The following HIVEP3 variants were observed in gnomAD, a reference collection of about 807,000 sequenced individuals.
HIVEP3 encodes the protein transcription factor HIVEP3.
HIVEP3 carries 49 observed loss-of-function variants against 152.8 expected under a neutral mutation model. The ratio of observed to expected loss-of-function variants is 0.32; its 90% CI spans 0.26 to 0.41. The LOEUF is 0.41. Among genes scored for constraint, HIVEP3 ranks in the 10% least tolerant of loss-of-function variants. HIVEP3 has a pLI of 1.00. For synonymous variants in HIVEP3, 1,269 were observed against 1,289.0 expected (o/e 0.98, Z 0.33); for missense variants, 2,790 against 3,103.3 (o/e 0.90, Z 2.40).
At chr1:41,567,740 G>A (rs1644189007) in intron 5 of HIVEP3, among the ~76,000 whole-genome samples, 1 of 152,352 alleles carries the variant, frequency 6.6e-6, no homozygotes, top group East Asian at 1.9e-4. Flanking sequence ...CTGGCATTAT[G>A]TATTTCATTT....
chr1:41,865,578 T>C (rs570584901), intron 1 of HIVEP3: 54 of 152,212 alleles, frequency 3.5e-4, no homozygotes, highest in African/African-American at 1.2e-3. Context: ...GAGTGCTGGG[T>C]CCTCCACTGG....
At chr1:41,760,203 A>C (rs1558245396) in intron 1 of HIVEP3, among the ~76,000 whole-genome samples, 2 of 152,304 alleles carry the variant, frequency 1.3e-5, no homozygotes, top group East Asian at 3.9e-4. Context: ...AATGGGATGA[A>C]TAAGAGTACC....
chr1:41,550,140 C>T (rs933844968), intron 5 of HIVEP3, among the ~76,000 whole-genome samples: 2 of 152,216 alleles, frequency 1.3e-5, no homozygotes, highest in Non-Finnish European at 2.9e-5. Flanking sequence ...GGAATCCTTT[C>T]CCCATTTCTT....
chr1:41,913,150 A>T (rs1424955689), intron 1 of HIVEP3, among the ~76,000 whole-genome samples: 1 of 152,266 alleles, frequency 6.6e-6, no homozygotes, highest in Non-Finnish European at 1.5e-5. Context: ...GTGCAAATTG[A>T]AAAGGCAAAT....
intron 2 of HIVEP3, among the ~76,000 whole-genome samples, chr1:41,699,720 G>A (rs896980106): frequency 3.3e-5 from 5 of 152,104 alleles, no homozygotes; most frequent in Admixed American, 2.0e-4. Context: ...ACTTCAGCAC[G>A]GGGTGTCCTG....
intron 1 of HIVEP3, among the ~76,000 whole-genome samples, chr1:41,791,489 G>GT (rs1366125440): frequency 1.3e-5 from 2 of 152,096 alleles, no homozygotes; most frequent in Non-Finnish European, 2.9e-5. Flanking sequence ...CCTTTTTCTA[G>GT]TTTTTTTATA....
In HIVEP3 at chr1:41,511,023, G is replaced by C; in HGVS notation, c.6649C>G (p.Pro2217Ala). Residue 2217 changes from proline to alanine, a missense_variant, in exon 9 of 9, where the codon CCC (proline) becomes GCC (alanine). Physicochemically the swap from Pro to Ala is conservative, Grantham distance 27. Coordinates refer to ENST00000372583, the MANE Select transcript of HIVEP3 (RefSeq NM_024503.5). The surrounding 1 kb of genome is among the most constrained non-coding windows in gnomAD (Gnocchi z 4.9). ...PGAHPTLLPG[P>A]TAAWVSGFSG... Reference sequence around the variant, plus strand: ...AAGCCACTGACCCAGGCTGCGGTGGGCCCTGGCAGCAGGGTGGGGTGGGCT... The same window carrying C: ...AAGCCACTGACCCAGGCTGCGGTGGCCCCTGGCAGCAGGGTGGGGTGGGCT... 1 of 1,613,566 alleles carries C rather than the reference G, an allele frequency of 6.2e-7. No individual in the cohort carries two copies. The highest frequency in any genetic ancestry group is 8.5e-7 in the Non-Finnish European group (1 of 1,179,718).
At chr1:41,980,958 A>G (rs1645290458) in intron 1 of HIVEP3, among the ~76,000 whole-genome samples, 1 of 152,210 alleles carries the variant, frequency 6.6e-6, no homozygotes, top group Non-Finnish European at 1.5e-5. Flanking sequence ...TGTCTGGGCC[A>G]GCAGGAGAGA....
chr1:41,885,369 T>C (rs1041942943), intron 1 of HIVEP3, among the ~76,000 whole-genome samples: 34 of 150,944 alleles, frequency 2.3e-4, no homozygotes, highest in African/African-American at 8.0e-4. Flanking sequence ...AGTAGATGGC[T>C]AGGAAAAAAA....
intron 2 of HIVEP3, among the ~76,000 whole-genome samples, chr1:41,638,314 AAAGG>A (rs1218800229): frequency 5.3e-5 from 6 of 114,156 alleles, no homozygotes; most frequent in Non-Finnish European, 1.1e-4. Flanking sequence ...AAAGAAAGGA[AAAGG>A]AAAGAAAGAA....
chr1:41,951,779 CA>C (rs1270385762), intron 1 of HIVEP3, among the ~76,000 whole-genome samples: 2 of 152,084 alleles, frequency 1.3e-5, no homozygotes, highest in African/African-American at 4.8e-5. Flanking sequence ...CATGAGAACT[CA>C]CTCACTACCA....
At chr1:41,712,998 C>T (rs907283348) in intron 1 of HIVEP3, among the ~76,000 whole-genome samples, 1 of 152,170 alleles carries the variant, frequency 6.6e-6, no homozygotes, top group African/African-American at 2.4e-5. Context: ...GTGTCAGACA[C>T]ACGTGGTCCT....
At chr1:41,932,089 T>A (rs1008235785) in intron 1 of HIVEP3, among the ~76,000 whole-genome samples, 1 of 151,948 alleles carries the variant, frequency 6.6e-6, no homozygotes, top group African/African-American at 2.4e-5. Context: ...CTTTTGTAGA[T>A]GCCCTTTTTG....
In HIVEP3 at chr1:41,770,906, G is replaced by A. The variant is rs74071389; in HGVS notation, c.-800-69911C>T. 1.0e-3 allele frequency among the ~76,000 whole-genome samples: 158 copies of A among 152,264 alleles called. 1 individual carries two copies. The highest frequency in any genetic ancestry group is 3.4e-3 in the African/African-American group (140 of 41,544). Reference sequence around the variant, plus strand: ...TTTGTAAGATGGCTACATTAGGGGAGACAGGGTGAAAGGTACACCAGAACT... The same window carrying A: ...TTTGTAAGATGGCTACATTAGGGGAAACAGGGTGAAAGGTACACCAGAACT... On this transcript the variant is annotated intron_variant, in intron 1 of 8. Transcript: ENST00000372583.
chr1:42,029,118 T>C (rs902953577), intron 1 of HIVEP3, among the ~76,000 whole-genome samples: 1 of 152,148 alleles, frequency 6.6e-6, no homozygotes, highest in Non-Finnish European at 1.5e-5. Flanking sequence ...ACAACTTCTG[T>C]TTTGTAAAGT....
rs532751793 is a variant in HIVEP3 at position 41,764,905 on chromosome 1, A to G, written c.-800-63910T>C. On this transcript the variant is annotated intron_variant, in intron 1 of 8. Transcript: ENST00000372583. ...GAGCCATCTCCTGAGAGGAATTCCA[A>G]CCTTTCTTCACAACTCAGGGCCATC... 4.6e-5 allele frequency among the ~76,000 whole-genome samples: 7 copies of G among 152,248 alleles called. No homozygotes were observed. The South Asian group carries it at 6.2e-4, about 14-fold the overall frequency.
intron 3 of HIVEP3, among the ~76,000 whole-genome samples, chr1:41,613,797 T>C (rs944564414): frequency 4.6e-5 from 7 of 152,214 alleles, no homozygotes; most frequent in African/African-American, 1.4e-4. Context: ...CCTGTACCCA[T>C]TAGCAATCAC....
At chr1:41,745,920 T>C (rs951356400) in intron 1 of HIVEP3, among the ~76,000 whole-genome samples, 20 of 152,238 alleles carry the variant, frequency 1.3e-4, no homozygotes, top group Non-Finnish European at 2.4e-4. Context: ...CCTACCATGA[T>C]GCCTGGCATC....
intron 1 of HIVEP3, among the ~76,000 whole-genome samples, chr1:41,795,943 T>C (rs1295744450): frequency 6.6e-6 from 1 of 152,198 alleles, no homozygotes; most frequent in Non-Finnish European, 1.5e-5. Flanking sequence ...TCCAAGGAGT[T>C]CTGGTTCTTT....
Sources: allele counts gnomAD v4.1 joint callset (sites outside exome capture counted in the v4.1 genomes callset), GRCh38; gene constraint gnomAD v4.1.1; non-coding constraint Gnocchi (gnomAD v3.1); transcripts MANE v1.5; gene names NCBI Gene and HGNC (gene_info 2026-07-23, HGNC 2026-07-21).